The following NAV2 variants were observed in gnomAD, a reference collection of about 807,000 sequenced individuals.
NAV2 encodes the protein neuron navigator 2, also known as helicase, APC down-regulated 1.
A neutral mutation model predicts 223.2 loss-of-function variants in NAV2; 54 were observed. The ratio of observed to expected loss-of-function variants is 0.24; its 90% confidence interval spans 0.19 to 0.30. NAV2 has a LOEUF of 0.30. Ranked by LOEUF, NAV2 falls within the 10% of genes least tolerant of loss-of-function variation. The pLI is 1.00. For synonymous variants in NAV2, 1,279 were observed against 1,239.3 expected (o/e 1.03, Z -0.67); for missense variants, 2,806 against 3,147.5 (o/e 0.89, Z 2.60).
intron 1 of NAV2, among the ~76,000 whole-genome samples, chr11:19,787,008 C>G (rs2057164362): frequency 6.6e-6 from 1 of 152,000 alleles, no homozygotes; most frequent in African/African-American, 2.4e-5. Flanking sequence ...CATAACAAGA[C>G]CCCATATTTT....
intron 1 of NAV2, among the ~76,000 whole-genome samples, chr11:19,568,966 C>T (rs1186732742): frequency 6.6e-6 from 1 of 152,208 alleles, no homozygotes; most frequent in Non-Finnish European, 1.5e-5. Context: ...CTATCTCACC[C>T]AGCATATGCT....
intron 1 of NAV2, among the ~76,000 whole-genome samples, chr11:19,418,713 G>T (rs962020892): frequency 2.6e-4 from 39 of 152,338 alleles, no homozygotes; most frequent in African/African-American, 9.1e-4. Flanking sequence ...AGGTTTGGCA[G>T]ATGATCAAAA....
At chr11:19,742,117 C>T (rs1590257679) in intron 1 of NAV2, among the ~76,000 whole-genome samples, 1 of 152,112 alleles carries the variant, frequency 6.6e-6, no homozygotes, top group South Asian at 2.1e-4. Flanking sequence ...ATGTTGAGCA[C>T]CTTGTCATAC....
At position 19,492,649 on chromosome 11, in the gene NAV2, A is replaced by G. The variant is rs73418260; in HGVS notation, c.75+141622A>G. On this transcript the variant is annotated intron_variant, in intron 1 of 37. Transcript: ENST00000360655. ...ATAAAAATAAACATTTGTCTATTTA[A>G]ACAATTGCTATTTTGACTTCCTCTG... Among the ~76,000 whole-genome samples, 1,114 of 152,322 alleles carry G rather than the reference A, an allele frequency of 7.3e-3. 14 individuals are homozygous for G. Among genetic ancestry groups the G allele is most frequent in the African/African-American group, 0.025 (1,042 of 41,572 alleles).
chr11:19,795,221 A>G (rs1007120307), intron 1 of NAV2, among the ~76,000 whole-genome samples: 1 of 152,278 alleles, frequency 6.6e-6, no homozygotes, highest in Non-Finnish European at 1.5e-5. Context: ...GAACATTCTC[A>G]GAGCCATCTC....
At chr11:19,789,808 C>A (rs376471377) in intron 1 of NAV2, among the ~76,000 whole-genome samples, 3 of 152,170 alleles carry the variant, frequency 2.0e-5, no homozygotes, top group East Asian at 1.9e-4. Context: ...GCTTCCTCCC[C>A]CTTTCTGGAC....
At chr11:19,792,158 T>C (rs1371039656) in intron 1 of NAV2, among the ~76,000 whole-genome samples, 3 of 152,170 alleles carry the variant, frequency 2.0e-5, no homozygotes, top group African/African-American at 7.2e-5. Flanking sequence ...TGACAGGAGA[T>C]CCTCTTTTCT....
intron 1 of NAV2, among the ~76,000 whole-genome samples, chr11:19,416,124 G>A (rs1850358140): frequency 6.6e-6 from 1 of 152,056 alleles, no homozygotes; most frequent in East Asian, 1.9e-4. Flanking sequence ...GAAATAAAGG[G>A]TATTCAAATA....
chr11:19,427,856 T>A (rs756469476), intron 1 of NAV2, among the ~76,000 whole-genome samples: 2 of 152,200 alleles, frequency 1.3e-5, no homozygotes, highest in Non-Finnish European at 2.9e-5. Context: ...TCTTATTGGG[T>A]TGTTGATCAT....
At chr11:20,061,965 A>G (rs1193492824) in intron 19 of NAV2, among the ~76,000 whole-genome samples, 1 of 152,240 alleles carries the variant, frequency 6.6e-6, no homozygotes, top group Non-Finnish European at 1.5e-5. Flanking sequence ...CCTCCGGGCA[A>G]TGCAATTGTG....
At chr11:19,909,810 C>T (rs1225207090) in intron 6 of NAV2, among the ~76,000 whole-genome samples, 1 of 152,186 alleles carries the variant, frequency 6.6e-6, no homozygotes, top group African/African-American at 2.4e-5. Context: ...TCCTCCTCCT[C>T]TTCATCACTA....
intron 1 of NAV2, among the ~76,000 whole-genome samples, chr11:19,591,476 A>T (rs76428519): frequency 0.011 from 1,658 of 152,314 alleles, 17 homozygotes; most frequent in East Asian, 0.059. Flanking sequence ...TAACCTGAGA[A>T]TAGCAGATGA....
At chr11:19,885,387 T>A (rs1277504883) in intron 5 of NAV2, among the ~76,000 whole-genome samples, 1 of 152,226 alleles carries the variant, frequency 6.6e-6, no homozygotes, top group Non-Finnish European at 1.5e-5. Flanking sequence ...TGAGGCTGCT[T>A]TTTAAAATCT....
At position 20,020,261 on chromosome 11, in the gene NAV2, T is replaced by A. The variant is rs1182983608; in HGVS notation, c.2769-15698T>A. ...ACCTGAGTAGAGTTCATCAACTACA[T>A]CTTGGTTTTATAGATGGCTCTGTGA... On this transcript the variant is annotated intron_variant, in intron 11 of 37. Transcript: ENST00000349880. Among the ~76,000 whole-genome samples, 3 of 152,220 alleles carry A rather than the reference T, an allele frequency of 2.0e-5. No homozygotes were observed. The East Asian group carries it at 5.8e-4, about 29-fold the overall frequency.
intron 11 of NAV2, among the ~76,000 whole-genome samples, chr11:20,024,913 T>C (rs2054900392): frequency 6.6e-6 from 1 of 152,218 alleles, no homozygotes; most frequent in Admixed American, 6.5e-5. Flanking sequence ...CCCTTTCCTT[T>C]AATTTCTTTG....
rs370978483 is a variant in NAV2 at position 19,738,219 on chromosome 11, G to A, written c.267+24257G>A. On this transcript the variant is annotated intron_variant, in intron 1 of 37. Transcript: ENST00000349880. The stretch of plus-strand genomic sequence containing the variant: ...TGCAGAGAGTTCCCTCAGGGGGCCA[G>A]TGACATGCCCCAGAGTCGGGTCCCT... 1.0e-3 allele frequency among the ~76,000 whole-genome samples: 158 copies of A among 152,362 alleles called. 1 individual carries two copies. Among genetic ancestry groups the A allele is most frequent in the African/African-American group, 3.6e-3 (151 of 41,590 alleles).
chr11:19,921,852 T>G (rs2044300229), intron 6 of NAV2, among the ~76,000 whole-genome samples: 1 of 152,280 alleles, frequency 6.6e-6, no homozygotes, highest in Non-Finnish European at 1.5e-5. Context: ...CTTAGCACTG[T>G]GCCTGGCACA....
intron 1 of NAV2, among the ~76,000 whole-genome samples, chr11:19,755,858 T>C (rs140256032): frequency 6.6e-6 from 1 of 152,286 alleles, no homozygotes; most frequent in East Asian, 1.9e-4. Context: ...ATTAGGGACT[T>C]ACCTACAGGG....
chr11:19,949,858 C>A (rs2047240977), intron 10 of NAV2, among the ~76,000 whole-genome samples: 1 of 152,216 alleles, frequency 6.6e-6, no homozygotes, highest in South Asian at 2.1e-4. Context: ...ATTGCTAAAT[C>A]AATGAACACG....
Sources: gnomAD v4.1 joint callset for allele counts (sites outside exome capture counted in the v4.1 genomes callset) on GRCh38, gnomAD v4.1.1 for gene constraint, MANE v1.5 for transcripts, NCBI Gene and HGNC (gene_info 2026-07-23, HGNC 2026-07-21) for gene names.